The following SULT1A1 variants were observed in gnomAD, a reference collection of about 807,000 sequenced individuals.
SULT1A1 encodes the protein sulfotransferase 1A1.
A neutral mutation model predicts 36.8 loss-of-function variants in SULT1A1; 35 were observed. That is an observed-to-expected ratio of 0.95 (90% CI 0.73 to 1.26). SULT1A1 has a LOEUF of 1.26. SULT1A1 is among the 50% of genes most tolerant of loss of function. The pLI, the probability that SULT1A1 is intolerant of heterozygous loss-of-function variation, is 0.00. For synonymous variants in SULT1A1, 119 were observed against 146.0 expected (o/e 0.82, Z 1.33); for missense variants, 309 against 383.0 (o/e 0.81, Z 1.61).
Position 28,609,003 on chromosome 16 carries a change from C to G in SULT1A1, c.-4-144G>C, listed in dbSNP as rs879206998. 3.2e-6 allele frequency: 5 copies of G among 1,551,342 alleles called. 1 individual carries two copies. The South Asian group carries it at 3.6e-5, about 11-fold the overall frequency. ...CTCACAAAGCCACTCAGTGGCGGGG[C>G]TGGGGCTGAAAACCAGGTCGGGCTC... On this transcript the variant is annotated intron_variant, in intron 1 of 7. Coordinates refer to ENST00000314752, the MANE Select transcript of SULT1A1 (RefSeq NM_001055.4).
chr16:28,608,295 A>G lies in SULT1A1; in HGVS notation c.368T>C (p.Val123Ala). 1.2e-6 allele frequency: 2 copies of G among 1,612,144 alleles called. No individual in the cohort carries two copies. Among genetic ancestry groups the G allele is most frequent in the Non-Finnish European group, 1.7e-6 (2 of 1,178,564 alleles). The stretch of plus-strand genomic sequence containing the variant: ...AAACACTGTGCCCTGCCTCACCTTG[A>G]CCTTCTGATCCAACAGAGTCTGGGG... The part of the protein sequence containing the change: ...LLPQTLLDQK[V>A]KVVYVARNAK... The change falls in exon 4 of 8, where the codon GTC becomes GCC. Residue 123 changes from valine to alanine, a missense_variant. Transcript: ENST00000314752.
intron 1 of SULT1A1, among the ~76,000 whole-genome samples, chr16:28,620,523 C>T (rs1325039700): frequency 6.8e-6 from 1 of 147,522 alleles, no homozygotes; most frequent in Non-Finnish European, 1.5e-5. Context: ...GTGATCATGC[C>T]ACTGCACTCC....
In SULT1A1 at chr16:28,605,586, A is replaced by G; in HGVS notation, c.*235T>C. On this transcript the variant is annotated 3_prime_UTR_variant, in exon 8 of 8. Coordinates refer to ENST00000314752, the MANE Select transcript of SULT1A1 (RefSeq NM_001055.4). ...TCTGCCTGGCCCACAATCATATTTTATTCTCTTTTTAAAAATTGGTTTTAT... is the reference window on the plus strand; with the variant it reads ...TCTGCCTGGCCCACAATCATATTTTGTTCTCTTTTTAAAAATTGGTTTTAT... The G allele has an allele frequency of 1.4e-6, 1 of 720,708 alleles. No individual in the cohort carries two copies. 44.6% of individuals were successfully genotyped at this position (720,708 alleles called of 1,614,324 possible).
In SULT1A1 at chr16:28,605,344, C is replaced by T; in HGVS notation, c.*477G>A. The T allele has an allele frequency of 8.1e-6, 2 of 247,314 alleles. No homozygotes were observed. The highest frequency in any genetic ancestry group is 8.6e-5 in the South Asian group (2 of 23,210). 15.3% of individuals were successfully genotyped at this position (247,314 alleles called of 1,614,324 possible). ...CTTGAGTGGATTAGCCCAGTCAGCCCACTGCAGCCATAACCTCCCTGGCTC... is the reference window on the plus strand; with the variant it reads ...CTTGAGTGGATTAGCCCAGTCAGCCTACTGCAGCCATAACCTCCCTGGCTC... On this transcript the variant is annotated 3_prime_UTR_variant, in exon 8 of 8. Coordinates refer to ENST00000314752, the MANE Select transcript of SULT1A1 (RefSeq NM_001055.4).
intron 1 of SULT1A1, among the ~76,000 whole-genome samples, chr16:28,622,369 A>G (rs939246875): frequency 6.6e-6 from 1 of 152,078 alleles, no homozygotes; most frequent in Non-Finnish European, 1.5e-5. Flanking sequence ...CGCAGTAGAG[A>G]AGGTTTCCAC....
chr16:28,606,431 T>C (rs1288640621), intron 6 of SULT1A1, among the ~76,000 whole-genome samples, 195 bp from the exon 7 acceptor site: 1 of 151,890 alleles, frequency 6.6e-6, no homozygotes, highest in Non-Finnish European at 1.5e-5. Flanking sequence ...CATCATGAGC[T>C]GGGCTTGGCT....
rs767833477 is a variant in SULT1A1 at position 28,609,480 on chromosome 16, A to G, written c.-5+451T>C. 25 of 1,119,180 alleles carry G rather than the reference A, an allele frequency of 2.2e-5. No individual in the cohort carries two copies. The South Asian group carries it at 2.6e-4, about 12-fold the overall frequency. 69.3% of individuals were successfully genotyped at this position (1,119,180 alleles called of 1,614,324 possible). A position where few individuals can be genotyped will look rare whatever the true frequency, so the allele number is the denominator to read the frequency against. Reference sequence around the variant, plus strand: ...AACTCTGATGACTCAGCAAAAGCACAGGCCTAGGCAGGGTGGCTCCCACCT... The same window carrying G: ...AACTCTGATGACTCAGCAAAAGCACGGGCCTAGGCAGGGTGGCTCCCACCT... On this transcript the variant is annotated intron_variant, in intron 1 of 7. Transcript: ENST00000314752.
intron 2 of SULT1A1, among the ~76,000 whole-genome samples, chr16:28,615,546 C>T (rs1233236986): frequency 6.7e-6 from 1 of 150,274 alleles, no homozygotes; most frequent in Non-Finnish European, 1.5e-5. Context: ...CCGAGACAGA[C>T]CCCGAGGCCT....
At chr16:28,605,961 T>C (rs1490663877) in intron 7 of SULT1A1, 28 bp from the exon 8 acceptor site, 1 of 1,603,714 alleles carries the variant, frequency 6.2e-7, no homozygotes, top group Admixed American at 1.7e-5. Context: ...GGAGCAAAGC[T>C]GGAGTCTCAT....
upstream of SULT1A1, chr16:28,612,013 CT>C (rs2047468573): frequency 1.3e-3 from 1 of 776 alleles, no homozygotes; most frequent in Non-Finnish European, 0.012. Context: ...GAAACTCGGT[CT>C]CAAAAAAACA....
chr16:28,623,205 G>C lies in SULT1A1; in HGVS notation c.-8C>G, dbSNP rs1422506432. ...CAGCAACTTGGCCAGCATGGCGCGC[G>C]GCGCTCGGCCCGGGAGCGCGCGCTC... On this transcript the variant is annotated 5_prime_UTR_variant, in exon 1 of 6. Transcript: ENST00000350842. 3.9e-6 allele frequency: 6 copies of C among 1,546,832 alleles called. No individual in the cohort carries two copies. The South Asian group carries it at 6.0e-5, about 15-fold the overall frequency.
chr16:28,622,542 G>A (rs1384493339), intron 1 of SULT1A1, among the ~76,000 whole-genome samples: 1 of 152,130 alleles, frequency 6.6e-6, no homozygotes, highest in Non-Finnish European at 1.5e-5. Context: ...AGCAGGACTA[G>A]GCCCCTGGGC....
chr16:28,617,172 T>C (rs28693881), intron 2 of SULT1A1, among the ~76,000 whole-genome samples: 147,752 of 152,170 alleles, frequency 0.97, 71,917 homozygotes, highest in East Asian at 1. Context: ...TGAGCCACCA[T>C]GACCAGCTCA....
In SULT1A1 at chr16:28,608,769, C is replaced by A; in HGVS notation, c.87G>T (p.Gly29=). 1 of 1,612,676 alleles carries A rather than the reference C, an allele frequency of 6.2e-7. No individual in the cohort carries two copies. The highest frequency in any genetic ancestry group is 8.5e-7 in the Non-Finnish European group (1 of 1,179,454). The change falls in exon 2 of 8, where the codon GGG becomes GGT. Residue 29 remains glycine (G), a synonymous_variant. Transcript: ENST00000314752. The part of the protein sequence containing the change: ...PLIKYFAEAL[G]PLQSFQARPD... ...GCCGGGCCTGGAAGCTCTGCAGGGG[C>A]CCCAGTGCCTCTGCAAAGTACTTGA...
At chr16:28,609,429 G>A (rs868385502) in intron 1 of SULT1A1, 3 of 1,268,138 alleles carry the variant, frequency 2.4e-6, no homozygotes, top group South Asian at 1.2e-5. Flanking sequence ...GCTACTAGGG[G>A]CCAGAGCTGC....
In SULT1A1 at chr16:28,609,911, C is replaced by G; in HGVS notation, c.-5+20G>C. Reference sequence around the variant, plus strand: ...TGAGCAGGGTGAGGGCGCCCTGGGCCGTTCCACTGTGTCACTCACCTGAGC... The same window carrying G: ...TGAGCAGGGTGAGGGCGCCCTGGGCGGTTCCACTGTGTCACTCACCTGAGC... On this transcript the variant is annotated intron_variant, in intron 1 of 7. Transcript: ENST00000314752. 3 of 1,281,056 alleles carry G rather than the reference C, an allele frequency of 2.3e-6. No individual in the cohort carries two copies. In the South Asian group the frequency reaches 3.8e-5, roughly 16 times the overall value. 79.4% of individuals were successfully genotyped at this position (1,281,056 alleles called of 1,614,324 possible). A position where few individuals can be genotyped will look rare whatever the true frequency, so the allele number is the denominator to read the frequency against.
chr16:28,617,122 C>A (rs139714760), intron 2 of SULT1A1, among the ~76,000 whole-genome samples: 2 of 151,870 alleles, frequency 1.3e-5, no homozygotes, highest in African/African-American at 4.8e-5. Flanking sequence ...CTCAGGAGAT[C>A]CTCCCACCTC....
At chr16:28,611,457 G>C (rs8055348), upstream of SULT1A1, 1 of 152,178 alleles carries the variant, frequency 6.6e-6, no homozygotes, top group African/African-American at 2.4e-5. Flanking sequence ...GTGCCAAGAC[G>C]GCTCCAGGAA....
intron 2 of SULT1A1, among the ~76,000 whole-genome samples, chr16:28,616,257 A>T (rs2047544561): frequency 6.6e-6 from 1 of 152,236 alleles, no homozygotes. Flanking sequence ...CAAACTAATG[A>T]TTAATGATAT....
Sources: allele counts gnomAD v4.1 joint callset (sites outside exome capture counted in the v4.1 genomes callset), GRCh38; gene constraint gnomAD v4.1.1; transcripts MANE v1.5; gene names NCBI Gene and HGNC (gene_info 2026-07-23, HGNC 2026-07-21).